Variants in TGFBR3 observed in about 807,000 individuals in gnomAD.
TGFBR3 encodes the protein transforming growth factor beta receptor 3.
Under a neutral mutation model 87.9 loss-of-function variants are expected in TGFBR3, and 46 were observed. The observed-to-expected ratio is 0.52, with a 90% CI of 0.41 to 0.67. The LOEUF is 0.67. Among genes scored for constraint, TGFBR3 ranks in the 30% least tolerant of loss-of-function variants. The pLI, the probability that TGFBR3 is intolerant of heterozygous loss-of-function variation, is 0.00. For missense variants in TGFBR3, 866 were observed against 1,041.9 expected (o/e 0.83, Z 2.32); for synonymous variants, 381 against 391.6 (o/e 0.97, Z 0.32).
At chr1:91,857,648 G>C (rs981970971) in intron 2 of TGFBR3, among the ~76,000 whole-genome samples, 3 of 152,184 alleles carry the variant, frequency 2.0e-5, no homozygotes, top group African/African-American at 4.8e-5. Flanking sequence ...CAAAAGAAGG[G>C]ATGAATATGG....
intron 1 of TGFBR3, chr1:91,905,757 A>T (rs1337680001): frequency 6.6e-6 from 1 of 152,224 alleles, no homozygotes; most frequent in Non-Finnish European, 1.5e-5. Context: ...AAGCAGTATC[A>T]AAGCACTTTT....
intron 2 of TGFBR3, among the ~76,000 whole-genome samples, chr1:91,820,602 C>T (rs1362554187): frequency 2.0e-5 from 3 of 152,120 alleles, no homozygotes; most frequent in African/African-American, 4.8e-5. Context: ...AGGAGAATGG[C>T]GTGAACCCAG....
At chr1:91,735,915 T>C (rs964830364) in intron 4 of TGFBR3, among the ~76,000 whole-genome samples, 2 of 152,176 alleles carry the variant, frequency 1.3e-5, no homozygotes, top group African/African-American at 2.4e-5. Flanking sequence ...ATAAATGTCT[T>C]GTATTAAATT....
intron 2 of TGFBR3, among the ~76,000 whole-genome samples, chr1:91,898,804 T>C (rs1457599334): frequency 1.3e-5 from 2 of 152,230 alleles, no homozygotes; most frequent in Admixed American, 1.3e-4. Context: ...CAGCCGGGCA[T>C]CGTGGCTCAT....
intron 2 of TGFBR3, among the ~76,000 whole-genome samples, chr1:91,799,086 T>C (rs938331209): frequency 5.9e-5 from 9 of 152,194 alleles, no homozygotes; most frequent in Non-Finnish European, 1.3e-4. Context: ...GGCCTGAATG[T>C]ACTCCAGTTT....
At chr1:91,815,209 G>C (rs886094259) in intron 2 of TGFBR3, among the ~76,000 whole-genome samples, 1 of 151,976 alleles carries the variant, frequency 6.6e-6, no homozygotes, top group Non-Finnish European at 1.5e-5. Flanking sequence ...GGCTGAGGTA[G>C]GAGAATCACT....
intron 4 of TGFBR3, among the ~76,000 whole-genome samples, chr1:91,750,550 C>T (rs951967254): frequency 3.9e-5 from 6 of 152,012 alleles, no homozygotes; most frequent in Admixed American, 6.6e-5. Flanking sequence ...GAGCAGACTC[C>T]GGAATAAAAA....
chr1:91,791,759 C>T (rs1436194460), intron 3 of TGFBR3, among the ~76,000 whole-genome samples: 2 of 152,178 alleles, frequency 1.3e-5, no homozygotes, highest in African/African-American at 4.8e-5. Context: ...GTTGTATAAC[C>T]TCCCTAAGCC....
intron 6 of TGFBR3, among the ~76,000 whole-genome samples, chr1:91,728,997 C>G (rs886396198): frequency 6.6e-6 from 1 of 150,786 alleles, no homozygotes; most frequent in African/African-American, 2.4e-5. Flanking sequence ...TATCGAATGG[C>G]TTTTTGGTAT....
intron 1 of TGFBR3, among the ~76,000 whole-genome samples, chr1:91,862,572 GT>G (rs1678242467): frequency 6.6e-6 from 1 of 152,142 alleles, no homozygotes; most frequent in South Asian, 2.1e-4. Flanking sequence ...TTCAATGAGA[GT>G]TTTGTGGTGG....
At chr1:91,725,589 T>C (rs901223566) in intron 7 of TGFBR3, among the ~76,000 whole-genome samples, 1 of 152,164 alleles carries the variant, frequency 6.6e-6, no homozygotes, top group Non-Finnish European at 1.5e-5. Context: ...AGGTGAAATA[T>C]CCTATAGGCC....
chr1:91,798,299 G>A (rs550118551), intron 2 of TGFBR3, among the ~76,000 whole-genome samples: 2 of 152,310 alleles, frequency 1.3e-5, no homozygotes, highest in Admixed American at 6.5e-5. Flanking sequence ...GCAAATGCCT[G>A]CCGTTGGCAT....
intron 1 of TGFBR3, among the ~76,000 whole-genome samples, chr1:91,905,411 C>T (rs551698032): frequency 2.0e-5 from 3 of 152,182 alleles, no homozygotes; most frequent in South Asian, 4.2e-4. Context: ...TACTCACAAC[C>T]GTTGACCAGT....
intron 14 of TGFBR3, among the ~76,000 whole-genome samples, chr1:91,706,504 C>A (rs897214742): frequency 1.3e-5 from 2 of 152,164 alleles, no homozygotes; most frequent in Non-Finnish European, 2.9e-5. Flanking sequence ...TAGAGGTTAC[C>A]CTATATGGTC....
At chr1:91,792,016 A>G (rs1220935385) in intron 3 of TGFBR3, among the ~76,000 whole-genome samples, 2 of 152,162 alleles carry the variant, frequency 1.3e-5, no homozygotes, top group Admixed American at 6.5e-5. Flanking sequence ...CCTGCCCTCA[A>G]AAAGAACCAA....
At chr1:91,751,193 GA>G (rs1673528296) in intron 4 of TGFBR3, among the ~76,000 whole-genome samples, 1 of 152,150 alleles carries the variant, frequency 6.6e-6, no homozygotes, top group Non-Finnish European at 1.5e-5. Flanking sequence ...CCAAAGAAGG[GA>G]AAGAAGGAAA....
intron 3 of TGFBR3, among the ~76,000 whole-genome samples, chr1:91,780,942 A>C (rs1674747207): frequency 6.8e-6 from 1 of 147,820 alleles, no homozygotes; most frequent in African/African-American, 2.5e-5. Flanking sequence ...CAGAGATCTC[A>C]TCTCCTGGCA....
At chr1:91,702,064 G>A (rs1671637040) in intron 14 of TGFBR3, among the ~76,000 whole-genome samples, 1 of 152,106 alleles carries the variant, frequency 6.6e-6, no homozygotes, top group Non-Finnish European at 1.5e-5. Context: ...CTGGTGGTGG[G>A]AGGGTGTTGC....
intron 16 of TGFBR3, among the ~76,000 whole-genome samples, chr1:91,684,718 C>T (rs1208076181): frequency 6.6e-6 from 1 of 152,170 alleles, no homozygotes; most frequent in Non-Finnish European, 1.5e-5. Context: ...GTCTTCTCTT[C>T]GGCAAAACCG....
Sources: gnomAD v4.1 joint callset for allele counts (sites outside exome capture counted in the v4.1 genomes callset) on GRCh38, gnomAD v4.1.1 for gene constraint, MANE v1.5 for transcripts, NCBI Gene and HGNC (gene_info 2026-07-23, HGNC 2026-07-21) for gene names.